TGFBR2: variants seen among roughly 807,000 people sequenced by gnomAD.
TGFBR2 encodes TGF-beta receptor type-2.
TGFBR2 carries 18 observed loss-of-function variants against 49.0 expected under a neutral mutation model. The observed-to-expected ratio is 0.37, with a 90% CI of 0.25 to 0.54. The LOEUF is 0.54. Among genes scored for constraint, TGFBR2 ranks in the 20% least tolerant of loss-of-function variants. TGFBR2 has a pLI of 0.85. For missense variants in TGFBR2, 525 were observed against 722.6 expected (o/e 0.73, Z 3.13); for synonymous variants, 282 against 275.9 (o/e 1.02, Z -0.22).
intron 5 of TGFBR2, among the ~76,000 whole-genome samples, chr3:30,675,762 A>G (rs1047154495): frequency 6.6e-6 from 1 of 152,200 alleles, no homozygotes; most frequent in Non-Finnish European, 1.5e-5. Flanking sequence ...GAGTTTCTGT[A>G]TACTCTTAAC....
intron 3 of TGFBR2, among the ~76,000 whole-genome samples, chr3:30,671,306 T>G (rs1199239739): frequency 6.6e-6 from 1 of 152,142 alleles, no homozygotes; most frequent in Non-Finnish European, 1.5e-5. Context: ...TCATTTAGTT[T>G]AAGTTGTACT....
chr3:30,651,702 GCAGATTGC>G (rs1698889888), intron 3 of TGFBR2, among the ~76,000 whole-genome samples: 1 of 152,146 alleles, frequency 6.6e-6, no homozygotes, highest in Non-Finnish European at 1.5e-5. Flanking sequence ...TTTCTGCAAG[GCAGATTGC>G]CAGAAGTGAA....
In TGFBR2 at chr3:30,693,198, G is replaced by A. The variant is rs1041813805; in HGVS notation, c.*1599G>A. ...AGTTTTACCCTCTGCATTGGAGAGAGGAGTGCTTTACTCCAAGAAGCTTTC... is the reference window on the plus strand; with the variant it reads ...AGTTTTACCCTCTGCATTGGAGAGAAGAGTGCTTTACTCCAAGAAGCTTTC... On this transcript the variant is annotated 3_prime_UTR_variant, in exon 7 of 7. Transcript: ENST00000295754. 2 of 233,562 alleles carry A rather than the reference G, an allele frequency of 8.6e-6. No homozygotes were observed. Among genetic ancestry groups the A allele is most frequent in the East Asian group, 1.2e-4 (2 of 16,692 alleles). The allele number at this position is 233,562 out of a possible 1,614,324, so 14.5% of individuals were successfully genotyped here. A position where few individuals can be genotyped will look rare whatever the true frequency, so the allele number is the denominator to read the frequency against.
intron 1 of TGFBR2, among the ~76,000 whole-genome samples, chr3:30,630,616 C>T (rs2125391134): frequency 6.6e-6 from 1 of 152,224 alleles, no homozygotes; most frequent in Middle Eastern, 3.4e-3. Context: ...TTTTTTCTCA[C>T]CAACTACTGT....
intron 1 of TGFBR2, among the ~76,000 whole-genome samples, chr3:30,623,735 C>T (rs936774942): frequency 2.0e-5 from 3 of 152,142 alleles, no homozygotes; most frequent in African/African-American, 7.2e-5. Context: ...ATCAGGAATA[C>T]GGGCATCTTT....
intron 4 of TGFBR2, among the ~76,000 whole-genome samples, chr3:30,673,131 T>C (rs11466516): frequency 0.018 from 2,814 of 152,320 alleles, 86 homozygotes; most frequent in African/African-American, 0.064. Flanking sequence ...GGACACACTT[T>C]GAAGCACTCG....
At position 30,672,552 on chromosome 3, in the gene TGFBR2, A is replaced by C. The variant is rs1362412442; in HGVS notation, c.1254+115A>C. On this transcript the variant is annotated intron_variant, in intron 4 of 6. Transcript: ENST00000295754. This position sits in a 1 kb window ranked among gnomAD's most constrained non-coding sequence, Gnocchi z 4.5. Reference sequence around the variant, plus strand: ...AGCCCTGTACTCTGGACACTGGTCTAGGGAATCTAGCCAAAGTATGGAGTC... The same window carrying C: ...AGCCCTGTACTCTGGACACTGGTCTCGGGAATCTAGCCAAAGTATGGAGTC... 1.7e-6 allele frequency: 2 copies of C among 1,193,444 alleles called. No homozygotes were observed. Among genetic ancestry groups the C allele is most frequent in the Non-Finnish European group, 2.5e-6 (2 of 805,312 alleles). 73.9% of individuals were successfully genotyped at this position (1,193,444 alleles called of 1,614,324 possible). A position where few individuals can be genotyped will look rare whatever the true frequency, so the allele number is the denominator to read the frequency against.
At chr3:30,656,315 C>T (rs942638945) in intron 3 of TGFBR2, among the ~76,000 whole-genome samples, 15 of 151,360 alleles carry the variant, frequency 9.9e-5, no homozygotes, top group African/African-American at 3.4e-4. Flanking sequence ...AAATCAGACA[C>T]CTTTTCAGTA....
Position 30,620,106 on chromosome 3 carries a change from G to C in TGFBR2, c.94+13129G>C, listed in dbSNP as rs561212656. On this transcript the variant is annotated intron_variant, in intron 1 of 6. Transcript: ENST00000295754. ...GGAGGCTGAGGCAGGAGAATGGCGTGAACCTGGGAGGCGGAGTTTGCAGTG... is the reference window on the plus strand; with the variant it reads ...GGAGGCTGAGGCAGGAGAATGGCGTCAACCTGGGAGGCGGAGTTTGCAGTG... Among the ~76,000 whole-genome samples, 378 of 152,268 alleles carry C rather than the reference G, an allele frequency of 2.5e-3. 1 individual carries two copies. Among genetic ancestry groups the C allele is most frequent in the African/African-American group, 8.7e-3 (361 of 41,552 alleles).
At chr3:30,632,291 G>A (rs529707327) in intron 1 of TGFBR2, among the ~76,000 whole-genome samples, 27 of 152,314 alleles carry the variant, frequency 1.8e-4, no homozygotes, top group African/African-American at 6.3e-4. Context: ...AGCCAAAGTA[G>A]ATCAGCTCTC....
At chr3:30,621,570 T>G (rs1698232893) in intron 1 of TGFBR2, among the ~76,000 whole-genome samples, 1 of 152,226 alleles carries the variant, frequency 6.6e-6, no homozygotes, top group Non-Finnish European at 1.5e-5. Context: ...CATGGGCCAC[T>G]GCACCTGACC....
At chr3:30,641,166 G>A (rs1210409221) in intron 1 of TGFBR2, among the ~76,000 whole-genome samples, 2 of 152,150 alleles carry the variant, frequency 1.3e-5, no homozygotes, top group Non-Finnish European at 1.5e-5. Flanking sequence ...TGGATCTTAC[G>A]GGCCTCAGAG....
chr3:30,613,713 T>C (rs2125445550), intron 1 of TGFBR2, among the ~76,000 whole-genome samples: 1 of 152,262 alleles, frequency 6.6e-6, no homozygotes, highest in Middle Eastern at 3.4e-3. Flanking sequence ...ACTATGAACA[T>C]TGTAGGAGTT....
rs192184755 is a variant in TGFBR2, at chr3:30,670,185, C to T, written c.455-1453C>T. Among the ~76,000 whole-genome samples the T allele has an allele frequency of 3.9e-5, 6 of 152,318 alleles. No homozygotes were observed. The East Asian group carries it at 1.2e-3, about 29-fold the overall frequency. On this transcript the variant is annotated intron_variant, in intron 3 of 6. Transcript: ENST00000295754. ...TCTCCTTAACATAGCACTCTTTCCA[C>T]TCATCACTGACTTTTCCCATTCTTC...
chr3:30,621,690 A>C (rs1026267564), intron 1 of TGFBR2, among the ~76,000 whole-genome samples: 4 of 152,186 alleles, frequency 2.6e-5, no homozygotes, highest in Non-Finnish European at 5.9e-5. Context: ...AACTACTGAA[A>C]AGCACTTATC....
At chr3:30,688,900 C>T (rs912745052) in intron 6 of TGFBR2, among the ~76,000 whole-genome samples, 1 of 152,328 alleles carries the variant, frequency 6.6e-6, no homozygotes, top group East Asian at 1.9e-4. Context: ...TAAGGAAATA[C>T]TTAGCAGATG....
At chr3:30,674,063 C>T (rs1699388893) in intron 4 of TGFBR2, 42 bp from the exon 5 acceptor site, 1 of 1,613,948 alleles carries the variant, frequency 6.2e-7, no homozygotes, top group East Asian at 2.2e-5. Flanking sequence ...AAAAAGGCAG[C>T]TGGAATTAAA....
chr3:30,630,125 T>C (rs1436850316), intron 1 of TGFBR2, among the ~76,000 whole-genome samples: 2 of 152,188 alleles, frequency 1.3e-5, no homozygotes, highest in African/African-American at 4.8e-5. Context: ...GGTAAAAAGA[T>C]TATGCTAAGA....
At position 30,694,135 on chromosome 3, in the gene TGFBR2, T is replaced by C. The variant is rs1699757478; in HGVS notation, c.*2536T>C. 3 of 225,308 alleles carry C rather than the reference T, an allele frequency of 1.3e-5. No homozygotes were observed. The Admixed American group carries it at 1.7e-4, about 13-fold the overall frequency. The allele number at this position is 225,308 out of a possible 1,614,324, so 14.0% of individuals were successfully genotyped here. A position where few individuals can be genotyped will look rare whatever the true frequency, so the allele number is the denominator to read the frequency against. On this transcript the variant is annotated 3_prime_UTR_variant, in exon 7 of 7. Coordinates refer to ENST00000295754, the MANE Select transcript of TGFBR2 (RefSeq NM_003242.6). ...TCCTGCCTCCTGTTCCCATTCCTAG[T>C]AGCTAAATCCATTTGCCTCATTTGG...
Sources: gnomAD v4.1 joint callset for allele counts (sites outside exome capture counted in the v4.1 genomes callset) on GRCh38, gnomAD v4.1.1 for gene constraint, Gnocchi (gnomAD v3.1) non-coding constraint, MANE v1.5 for transcripts, NCBI Gene and HGNC (gene_info 2026-07-23, HGNC 2026-07-21) for gene names.